The following STK36 variants were observed in gnomAD, a reference collection of about 807,000 sequenced individuals.
STK36 encodes the protein serine/threonine-protein kinase 36.
Under a neutral mutation model 142.2 loss-of-function variants are expected in STK36, and 116 were observed. The ratio of observed to expected loss-of-function variants is 0.82; its 90% CI spans 0.70 to 0.95. The LOEUF is 0.95. Among genes scored for constraint, STK36 ranks in the 40% least tolerant of loss-of-function variants. The probability of loss-of-function intolerance (pLI) is 0.00; values close to 1 mark genes in which losing one functional copy is unlikely to be tolerated. For missense variants in STK36, 1,422 were observed against 1,617.2 expected (o/e 0.88, Z 2.07); for synonymous variants, 619 against 641.7 (o/e 0.96, Z 0.53).
At chr2:218,681,172 G>C (rs138446679) in intron 10 of STK36, among the ~76,000 whole-genome samples, 1,830 of 148,186 alleles carry the variant, frequency 0.012, 47 homozygotes, top group African/African-American at 0.044. Context: ...CTGTCGCCCA[G>C]GCTGGATTGC....
chr2:218,692,109 G>A (rs750166175), intron 14 of STK36, 34 bp from the exon 15 acceptor site: 2 of 1,598,392 alleles, frequency 1.3e-6, no homozygotes, highest in South Asian at 2.2e-5. Flanking sequence ...GTCTTCTGAT[G>A]CCCTGATGCT....
At chr2:218,693,568 C>G (rs1941097819) in intron 17 of STK36, among the ~76,000 whole-genome samples, 155 bp from the exon 18 acceptor site, 1 of 152,186 alleles carries the variant, frequency 6.6e-6, no homozygotes. Flanking sequence ...CCCTGTCTCA[C>G]TATCTCATAG....
At position 218,692,379 on chromosome 2, in the gene STK36, G is replaced by A. The variant is rs1211584277; in HGVS notation, c.1915+86G>A. ...TCTTTCTATTGCCATCACCTAGATC[G>A]CACCTGGCATTTAGTAGGTGCTCAA... On this transcript the variant is annotated intron_variant, in intron 15 of 26. Coordinates refer to ENST00000295709, the MANE Select transcript of STK36 (RefSeq NM_015690.5). The A allele has an allele frequency of 1.8e-5, 28 of 1,562,342 alleles. No individual in the cohort carries two copies. In the South Asian group the frequency reaches 1.9e-4, roughly 10 times the overall value.
At chr2:218,688,989 C>T in intron 12 of STK36, 113 bp downstream of exon 12, 2 of 1,124,388 alleles carry the variant, frequency 1.8e-6, no homozygotes, top group Non-Finnish European at 2.4e-6. Context: ...TTCTTTCCTC[C>T]TCTTTCTAGT....
At chr2:218,695,299 C>T (rs1407971111) in intron 21 of STK36, among the ~76,000 whole-genome samples, 27 of 141,614 alleles carry the variant, frequency 1.9e-4, no homozygotes, top group Non-Finnish European at 3.3e-4. Context: ...GATCTCGGCT[C>T]ACCGCAACCT....
Position 218,694,444 on chromosome 2 carries a change from A to T in STK36, c.2401-81A>T. ...TCTGGAGGCATTCTTTTGGACCAGGACAGAGACATAAATCCTCTCTGCCTG... is the reference window on the plus strand; with the variant it reads ...TCTGGAGGCATTCTTTTGGACCAGGTCAGAGACATAAATCCTCTCTGCCTG... On this transcript the variant is annotated intron_variant, in intron 20 of 26. Transcript: ENST00000295709. This position sits in a 1 kb window ranked among gnomAD's most constrained non-coding sequence, Gnocchi z 4.4. 6.6e-7 allele frequency: 1 copy of T among 1,525,450 alleles called. No homozygotes were observed. Among genetic ancestry groups the T allele is most frequent in the Non-Finnish European group, 9.1e-7 (1 of 1,099,838 alleles). The allele number at this position is 1,525,450 out of a possible 1,614,324, so 94.5% of individuals were successfully genotyped here. A position where few individuals can be genotyped will look rare whatever the true frequency, so the allele number is the denominator to read the frequency against.
chr2:218,699,392 A>G lies in STK36; in HGVS notation c.3804+44A>G, dbSNP rs751294322. 59 of 1,575,258 alleles carry G rather than the reference A, an allele frequency of 3.7e-5. No individual in the cohort carries two copies. In the Admixed American group the frequency reaches 9.3e-4, roughly 25 times the overall value. On this transcript the variant is annotated intron_variant, in intron 26 of 26. Coordinates refer to ENST00000295709, the MANE Select transcript of STK36 (RefSeq NM_015690.5). ...ATGAACCATGATGATCAGGGCCCCT[A>G]TAGTTGACAACATTTCTCTGAGATC...
chr2:218,691,689 G>A (rs1443323712), intron 14 of STK36, among the ~76,000 whole-genome samples: 1 of 152,082 alleles, frequency 6.6e-6, no homozygotes, highest in Non-Finnish European at 1.5e-5. Flanking sequence ...TTGAGTAGCT[G>A]AGACTATGGG....
intron 22 of STK36, 122 bp downstream of exon 22, chr2:218,696,723 G>T: frequency 9.7e-6 from 11 of 1,130,404 alleles, no homozygotes; most frequent in Non-Finnish European, 1.5e-5. Context: ...TACTGTGCCT[G>T]TGATAGCCTT....
chr2:218,702,084 C>A lies in STK36; in HGVS notation c.*75C>A. On this transcript the variant is annotated 3_prime_UTR_variant, in exon 27 of 27. Coordinates refer to ENST00000295709, the MANE Select transcript of STK36 (RefSeq NM_015690.5). The stretch of plus-strand genomic sequence containing the variant: ...TATTCTACTACACAAGCCGCCAACT[C>A]AACTGAGAGCTAAAGAGACTAGAAA... The A allele has an allele frequency of 1.3e-6, 2 of 1,558,526 alleles. No individual in the cohort carries two copies. The highest frequency in any genetic ancestry group is 1.2e-5 in the South Asian group (1 of 82,540).
chr2:218,696,503 A>G (rs769538751), intron 21 of STK36, 24 bp from the exon 22 acceptor site: 10 of 1,611,452 alleles, frequency 6.2e-6, no homozygotes, highest in African/African-American at 2.7e-5. Flanking sequence ...AGGCACCTGC[A>G]TTCTTCATGT....
chr2:218,676,643 G>T (rs1461587794), intron 6 of STK36, among the ~76,000 whole-genome samples: 2 of 143,556 alleles, frequency 1.4e-5, no homozygotes, highest in African/African-American at 5.4e-5. Context: ...TTGAGACACA[G>T]TTTTTTTTTC....
chr2:218,672,300 G>C, intron 1 of STK36, 85 bp downstream of exon 1: 1 of 437,130 alleles, frequency 2.3e-6, no homozygotes, highest in Middle Eastern at 6.5e-4. Context: ...GCAGCCAGAA[G>C]AGATGGGGCT....
chr2:218,683,079 G>A (rs1455796928), intron 10 of STK36, among the ~76,000 whole-genome samples: 1 of 152,092 alleles, frequency 6.6e-6, no homozygotes, highest in Non-Finnish European at 1.5e-5. Flanking sequence ...TACTACATAA[G>A]TGATACATCC....
intron 6 of STK36, among the ~76,000 whole-genome samples, chr2:218,677,160 C>T (rs1160305422): frequency 2.0e-5 from 3 of 152,100 alleles, no homozygotes; most frequent in Non-Finnish European, 2.9e-5. Context: ...CTCGAACTCC[C>T]AACCTCAGGT....
At chr2:218,688,553 T>C in intron 11 of STK36, 144 bp from the exon 12 acceptor site, 1 of 927,372 alleles carries the variant, frequency 1.1e-6, no homozygotes, top group South Asian at 1.6e-5. Context: ...CCTGCTTTCC[T>C]TCTCTGTGTT....
intron 11 of STK36, among the ~76,000 whole-genome samples, chr2:218,685,945 GT>G (rs962648868): frequency 1.1e-4 from 17 of 148,676 alleles, no homozygotes; most frequent in Admixed American, 7.4e-4. Flanking sequence ...CCCATTTACG[GT>G]TTTTTTTTTG....
intron 21 of STK36, among the ~76,000 whole-genome samples, chr2:218,695,222 C>CTTTT (rs531122836): frequency 3.6e-4 from 32 of 88,116 alleles, no homozygotes; most frequent in Non-Finnish European, 4.7e-4. Context: ...ATTGTCATCC[C>CTTTT]TTTTTTTTTT....
chr2:218,682,468 T>G (rs1231574340), intron 10 of STK36, among the ~76,000 whole-genome samples: 1 of 152,206 alleles, frequency 6.6e-6, no homozygotes, highest in African/African-American at 2.4e-5. Flanking sequence ...TATAATACTG[T>G]TATAATAGAT....
Sources: allele counts gnomAD v4.1 joint callset (sites outside exome capture counted in the v4.1 genomes callset), GRCh38; gene constraint gnomAD v4.1.1; non-coding constraint Gnocchi (gnomAD v3.1); transcripts MANE v1.5; gene names NCBI Gene and HGNC (gene_info 2026-07-23, HGNC 2026-07-21).